The following IGFBP2 variants were observed in gnomAD, a reference collection of about 807,000 sequenced individuals.
IGFBP2 encodes insulin-like growth factor-binding protein 2.
IGFBP2 carries 12 observed loss-of-function variants against 26.2 expected under a neutral mutation model. That is an observed-to-expected ratio of 0.46 (90% confidence interval 0.29 to 0.74). IGFBP2 has a LOEUF of 0.74. Ranked by LOEUF, IGFBP2 falls within the 30% of genes least tolerant of loss-of-function variation. IGFBP2 has a pLI of 0.09. For synonymous variants in IGFBP2, 189 were observed against 200.6 expected, an observed-to-expected ratio of 0.94 and a Z score of 0.49; for missense variants, 328 against 441.2, an observed-to-expected ratio of 0.74 and a Z score of 2.30.
At chr2:216,655,624 C>T (rs543239057) in intron 1 of IGFBP2, among the ~76,000 whole-genome samples, 2 of 152,268 alleles carry the variant, frequency 1.3e-5, no homozygotes, top group Non-Finnish European at 1.5e-5. Flanking sequence ...TACAGTCAGG[C>T]GTGGTGGCTC....
At chr2:216,657,669 G>C (rs1448715000) in intron 1 of IGFBP2, among the ~76,000 whole-genome samples, 1 of 152,208 alleles carries the variant, frequency 6.6e-6, no homozygotes, top group Non-Finnish European at 1.5e-5. Context: ...GAGGAAAGCT[G>C]TGGGCTGGTG....
chr2:216,643,147 A>G (rs543620557), intron 1 of IGFBP2, among the ~76,000 whole-genome samples: 2 of 152,348 alleles, frequency 1.3e-5, no homozygotes, highest in African/African-American at 4.8e-5. Context: ...CTGGGATGCC[A>G]GAATGCACTG....
intron 1 of IGFBP2, among the ~76,000 whole-genome samples, chr2:216,637,231 C>T (rs1302148032): frequency 6.6e-6 from 1 of 152,184 alleles, no homozygotes; most frequent in Non-Finnish European, 1.5e-5. Context: ...ACTCCCGGCA[C>T]TAGTTCTGCT....
rs974538837 is a variant in IGFBP2, at chr2:216,661,670, G to A, written c.673-188G>A. 41 of 682,254 alleles carry A rather than the reference G, an allele frequency of 6.0e-5. No individual in the cohort carries two copies. In the Admixed American group the frequency reaches 8.1e-4, roughly 13 times the overall value. 42.3% of individuals were successfully genotyped at this position (682,254 alleles called of 1,614,324 possible). A position where few individuals can be genotyped will look rare whatever the true frequency, so the allele number is the denominator to read the frequency against. ...CATACAATTTTCTTTAGGGGCTGGG[G>A]TTGGGCACCCAGCATGGCAGGGAGA... On this transcript the variant is annotated intron_variant, in intron 2 of 3. Coordinates refer to ENST00000233809, the MANE Select transcript of IGFBP2 (RefSeq NM_000597.3).
intron 1 of IGFBP2, among the ~76,000 whole-genome samples, chr2:216,649,412 C>T (rs1407639382): frequency 6.6e-6 from 1 of 152,148 alleles, no homozygotes; most frequent in Admixed American, 6.5e-5. Context: ...TGTCCCTGTG[C>T]ACATGTAGAG....
At chr2:216,653,074 G>C (rs1453418062) in intron 1 of IGFBP2, among the ~76,000 whole-genome samples, 1 of 152,204 alleles carries the variant, frequency 6.6e-6, no homozygotes. Flanking sequence ...AGGAAGATGT[G>C]ATTGTTCTAG....
chr2:216,646,990 C>A (rs936035487), intron 1 of IGFBP2, among the ~76,000 whole-genome samples: 1 of 152,168 alleles, frequency 6.6e-6, no homozygotes, highest in South Asian at 2.1e-4. Flanking sequence ...GTAACACATG[C>A]TTTTTCATGC....
chr2:216,652,498 A>G (rs1001650451), intron 1 of IGFBP2, among the ~76,000 whole-genome samples: 4 of 152,182 alleles, frequency 2.6e-5, no homozygotes, highest in South Asian at 2.1e-4. Flanking sequence ...TGTTAATATC[A>G]TTTTTCAGAC....
At chr2:216,640,768 C>G (rs1212197085) in intron 1 of IGFBP2, among the ~76,000 whole-genome samples, 1 of 152,174 alleles carries the variant, frequency 6.6e-6, no homozygotes, top group African/African-American at 2.4e-5. Flanking sequence ...CAGTTTTGTT[C>G]CTGGACAGCT....
At chr2:216,661,160 TG>T in intron 2 of IGFBP2, 1 of 305,190 alleles carries the variant, frequency 3.3e-6, no homozygotes, top group Non-Finnish European at 6.2e-6. Context: ...TGGAGTGTAA[TG>T]GTGCCATCAC....
intron 1 of IGFBP2, among the ~76,000 whole-genome samples, chr2:216,654,851 G>A (rs1697888702): frequency 6.6e-6 from 1 of 152,084 alleles, no homozygotes; most frequent in African/African-American, 2.4e-5. Context: ...CTGTGAGGGT[G>A]GACAAACTTG....
chr2:216,661,353 C>G, intron 2 of IGFBP2: 1 of 280,872 alleles, frequency 3.6e-6, no homozygotes, highest in East Asian at 1.0e-4. Flanking sequence ...ATCCTCCCAC[C>G]TCGGCCTCCC....
intron 1 of IGFBP2, among the ~76,000 whole-genome samples, chr2:216,651,336 C>T (rs1031991832): frequency 6.6e-6 from 1 of 152,186 alleles, no homozygotes; most frequent in East Asian, 1.9e-4. Context: ...TGACCACCAT[C>T]AGCCATCCAA....
intron 1 of IGFBP2, among the ~76,000 whole-genome samples, chr2:216,635,658 A>G (rs1697480690): frequency 6.6e-6 from 1 of 151,294 alleles, no homozygotes; most frequent in Admixed American, 6.6e-5. Context: ...CTGAAAACCA[A>G]TTCTACTTCC....
chr2:216,661,608 C>T (rs572631630), intron 2 of IGFBP2: 16 of 570,402 alleles, frequency 2.8e-5, no homozygotes, highest in East Asian at 9.3e-5. Context: ...ATGAAAGCCA[C>T]GGTCACAGAA....
intron 1 of IGFBP2, among the ~76,000 whole-genome samples, chr2:216,647,695 A>G (rs1559176930): frequency 1.3e-5 from 2 of 151,538 alleles, no homozygotes; most frequent in African/African-American, 4.9e-5. Flanking sequence ...AATTTTTTGT[A>G]TTTTTTAGTA....
intron 1 of IGFBP2, among the ~76,000 whole-genome samples, chr2:216,636,759 GTTCC>G (rs1697504236): frequency 6.6e-6 from 1 of 152,214 alleles, no homozygotes; most frequent in African/African-American, 2.4e-5. Flanking sequence ...GGCTAGACCG[GTTCC>G]TTCAGTATCT....
chr2:216,660,627 C>G lies in IGFBP2; in HGVS notation c.513C>G (p.Gly171=). 6.2e-7 allele frequency: 1 copy of G among 1,613,872 alleles called. No homozygotes were observed. Among genetic ancestry groups the G allele is most frequent in the Non-Finnish European group, 8.5e-7 (1 of 1,179,954 alleles). The change falls in exon 2 of 4, where the codon GGC becomes GGG. Residue 171 remains glycine, a synonymous_variant. Coordinates refer to ENST00000233809, the MANE Select transcript of IGFBP2 (RefSeq NM_000597.3). ...TGGACAGCACCATGAACATGTTGGG[C>G]GGGGGAGGCAGTGCTGGCCGGAAGC... ...NHVDSTMNML[G]GGGSAGRKPL... is the part of the protein sequence containing the mutation.
chr2:216,644,559 G>A (rs894804762), intron 1 of IGFBP2, among the ~76,000 whole-genome samples: 4 of 152,024 alleles, frequency 2.6e-5, no homozygotes, highest in African/African-American at 9.7e-5. Context: ...AGAAGAGGGG[G>A]GTGTTTCAGC....
Sources: allele counts gnomAD v4.1 joint callset (sites outside exome capture counted in the v4.1 genomes callset), GRCh38; gene constraint gnomAD v4.1.1; transcripts MANE v1.5; gene names NCBI Gene and HGNC (gene_info 2026-07-23, HGNC 2026-07-21).